Variants in PLAA observed in about 807,000 individuals in gnomAD.
PLAA encodes phospholipase A-2-activating protein.
Under a neutral mutation model 84.1 loss-of-function variants are expected in PLAA, and 48 were observed. The observed-to-expected ratio is 0.57, with a 90% CI of 0.45 to 0.73. The LOEUF (loss-of-function observed/expected upper bound fraction) is 0.73, where lower values mean the gene tolerates loss of function less well. PLAA is among the 30% of genes least tolerant of loss of function. The pLI, the probability that PLAA is intolerant of heterozygous loss-of-function variation, is 0.00. For synonymous variants in PLAA, 392 were observed against 336.6 expected (o/e 1.16, Z -1.80); for missense variants, 903 against 954.7 (o/e 0.95, Z 0.71).
At position 26,925,933 on chromosome 9, in the gene PLAA, G is replaced by A. The variant is rs771852833; in HGVS notation, c.761C>T (p.Ser254Phe). ...TTCCCCATGTTTCCAGATTCTCAGA[G>A]ATCTGTCCTCTGCTGTTGTCACAAA... ...RDFVTTAEDR[S>F]LRIWKHGECA... The change falls in exon 6 of 14, where the codon TCT becomes TTT. Residue 254 changes from serine (S) to phenylalanine (F), a missense_variant. Physicochemically the swap from Ser to Phe is radical, Grantham distance 155. Coordinates refer to ENST00000397292, the MANE Select transcript of PLAA (RefSeq NM_001031689.3). 1.2e-6 allele frequency: 2 copies of A among 1,613,416 alleles called. No homozygotes were observed. The highest frequency in any genetic ancestry group is 1.1e-5 in the South Asian group (1 of 91,086).
chr9:26,911,162 T>A (rs1824387295), intron 11 of PLAA, among the ~76,000 whole-genome samples: 1 of 152,126 alleles, frequency 6.6e-6, no homozygotes, highest in African/African-American at 2.4e-5. Context: ...CTAGCCCTTT[T>A]GTTTTTTTGA....
Position 26,945,059 on chromosome 9 carries a change from G to A in PLAA, c.149+1838C>T, listed in dbSNP as rs111856735. ...AGAGAATCGCTTGAACCCCGGAGGC[G>A]GAGGTTGCAGTGAGCCAAGATTGTG... is the stretch of plus-strand genomic sequence containing the variant. On this transcript the variant is annotated intron_variant, in intron 1 of 13. Transcript: ENST00000397292. Among the ~76,000 whole-genome samples the A allele has an allele frequency of 6.3e-3, 962 of 152,266 alleles. 10 individuals are homozygous for A. Among genetic ancestry groups the A allele is most frequent in the African/African-American group, 0.022 (906 of 41,556 alleles).
At chr9:26,919,668 G>C (rs16910888) in intron 8 of PLAA, 139 bp from the exon 9 acceptor site, 101,228 of 560,802 alleles carry the variant, frequency 0.18, 10,513 homozygotes, top group African/African-American at 0.33. Context: ...TAAAATCTTC[G>C]TTTTTGGCAG....
chr9:26,917,817 C>G (rs1824612934), intron 9 of PLAA, among the ~76,000 whole-genome samples: 2 of 151,946 alleles, frequency 1.3e-5, no homozygotes, highest in African/African-American at 2.4e-5. Flanking sequence ...AAACAAAAAA[C>G]AAAAAACAAA....
chr9:26,908,359 G>A (rs10812490), intron 12 of PLAA, among the ~76,000 whole-genome samples: 14,055 of 151,498 alleles, frequency 0.093, 1,554 homozygotes, highest in East Asian at 0.6. Flanking sequence ...GTAGAGACGG[G>A]GTTTCACCAC....
In PLAA at chr9:26,947,161, G is replaced by C. The variant is rs1312838352; in HGVS notation, c.-116C>G. 5.7e-6 allele frequency: 7 copies of C among 1,223,820 alleles called. No homozygotes were observed. The highest frequency in any genetic ancestry group is 3.4e-5 in the Admixed American group (1 of 29,184). 75.8% of individuals were successfully genotyped at this position (1,223,820 alleles called of 1,614,324 possible). On this transcript the variant is annotated 5_prime_UTR_variant, in exon 1 of 14. Coordinates refer to ENST00000397292, the MANE Select transcript of PLAA (RefSeq NM_001031689.3). ...AGAGCCTGCAGGTAAGGGGCGGCCGGAGACCGGAAGAGCCCGAGAGCCGGT... is the reference window on the plus strand; with the variant it reads ...AGAGCCTGCAGGTAAGGGGCGGCCGCAGACCGGAAGAGCCCGAGAGCCGGT...
intron 12 of PLAA, among the ~76,000 whole-genome samples, chr9:26,910,119 T>A (rs967307514): frequency 6.6e-6 from 1 of 152,220 alleles, no homozygotes; most frequent in Non-Finnish European, 1.5e-5. Context: ...ACAGTCATCA[T>A]AAATTACTTA....
At chr9:26,944,868 G>A (rs1213617334) in intron 1 of PLAA, among the ~76,000 whole-genome samples, 2 of 152,206 alleles carry the variant, frequency 1.3e-5, no homozygotes, top group African/African-American at 2.4e-5. Context: ...GGTGGCTCAC[G>A]CCTGTAATCC....
chr9:26,923,807 A>G (rs1416523839), intron 6 of PLAA, among the ~76,000 whole-genome samples: 1 of 152,202 alleles, frequency 6.6e-6, no homozygotes, highest in African/African-American at 2.4e-5. Context: ...CAAGGAAAAA[A>G]AATGGCCTAA....
At chr9:26,920,872 C>T (rs1824735746) in intron 7 of PLAA, among the ~76,000 whole-genome samples, 2 of 152,130 alleles carry the variant, frequency 1.3e-5, no homozygotes, top group African/African-American at 4.8e-5. Context: ...GTCCAAGCCA[C>T]CATCATTTCT....
intron 1 of PLAA, among the ~76,000 whole-genome samples, chr9:26,942,877 C>CAAAAAAAA (rs34134451): frequency 9.7e-5 from 5 of 51,342 alleles, no homozygotes; most frequent in African/African-American, 1.4e-4. Flanking sequence ...AGACTCGTCT[C>CAAAAAAAA]AAAAAAAAAA....
intron 1 of PLAA, among the ~76,000 whole-genome samples, chr9:26,938,139 A>G (rs947787262): frequency 6.6e-6 from 1 of 152,220 alleles, no homozygotes; most frequent in East Asian, 1.9e-4. Context: ...AGAATCTTGA[A>G]AGCAGTAAGA....
At chr9:26,925,686 A>G (rs890571749) in intron 6 of PLAA, 139 bp downstream of exon 6, 8 of 657,184 alleles carry the variant, frequency 1.2e-5, no homozygotes, top group African/African-American at 1.1e-4. Flanking sequence ...AATATCTACT[A>G]CTGTTTTGTT....
intron 4 of PLAA, among the ~76,000 whole-genome samples, chr9:26,927,780 G>A (rs1825025899): frequency 6.6e-6 from 1 of 152,052 alleles, no homozygotes; most frequent in Non-Finnish European, 1.5e-5. Flanking sequence ...GAAGTTTCAG[G>A]CTAAAAGTAT....
At chr9:26,913,072 TAA>T (rs999719559) in intron 11 of PLAA, among the ~76,000 whole-genome samples, 1 of 152,044 alleles carries the variant, frequency 6.6e-6, no homozygotes, top group Non-Finnish European at 1.5e-5. Flanking sequence ...TAATAAAAAA[TAA>T]AAACACATGC....
At chr9:26,917,326 T>C (rs1350446839) in intron 9 of PLAA, among the ~76,000 whole-genome samples, 161 bp from the exon 10 acceptor site, 1 of 152,210 alleles carries the variant, frequency 6.6e-6, no homozygotes, top group East Asian at 1.9e-4. Context: ...GTCTTATAAC[T>C]GGGAAAAAAC....
At chr9:26,915,811 T>G in intron 10 of PLAA, 1 of 985,462 alleles carries the variant, frequency 1.0e-6, no homozygotes, top group Non-Finnish European at 1.2e-6. Context: ...TTGATTTTGC[T>G]GGTATTAGTT....
At position 26,947,147 on chromosome 9, in the gene PLAA, G is replaced by A. The variant is rs1185897441; in HGVS notation, c.-102C>T. On this transcript the variant is annotated 5_prime_UTR_variant, in exon 1 of 14. Transcript: ENST00000397292. ...GCCGCGGCGGGAGAAGAGCCTGCAG[G>A]TAAGGGGCGGCCGGAGACCGGAAGA... 2 of 1,330,346 alleles carry A rather than the reference G, an allele frequency of 1.5e-6. No homozygotes were observed. The highest frequency in any genetic ancestry group is 3.4e-5 in the Admixed American group (1 of 29,834). The allele number at this position is 1,330,346 out of a possible 1,614,324, so 82.4% of individuals were successfully genotyped here.
In PLAA at chr9:26,910,227, A is replaced by T. The variant is rs1289377700; in HGVS notation, c.1657+111T>A. 3.8e-5 allele frequency: 26 copies of T among 688,588 alleles called. 1 individual carries two copies. Among genetic ancestry groups the T allele is most frequent in the Non-Finnish European group, 6.0e-5 (23 of 385,424 alleles). 42.7% of individuals were successfully genotyped at this position (688,588 alleles called of 1,614,324 possible). On this transcript the variant is annotated intron_variant, in intron 12 of 13. Coordinates refer to ENST00000397292, the MANE Select transcript of PLAA (RefSeq NM_001031689.3). ...AGTTGTTTAATACTGCAATAGAAAT[A>T]TCTATTCATATTAAGTACCCAATTC...
Sources: allele counts gnomAD v4.1 joint callset (sites outside exome capture counted in the v4.1 genomes callset), GRCh38; gene constraint gnomAD v4.1.1; transcripts MANE v1.5; gene names NCBI Gene and HGNC (gene_info 2026-07-23, HGNC 2026-07-21).